Variants in MMP26 observed in about 807,000 individuals in gnomAD.
MMP26 encodes matrix metallopeptidase 26.
Under a neutral mutation model 31.0 loss-of-function variants are expected in MMP26, and 33 were observed. That is an observed-to-expected ratio of 1.06 (90% CI 0.81 to 1.42). The LOEUF is 1.42. Ranked by LOEUF, MMP26 falls within the 40% of genes most tolerant of loss-of-function variation. The pLI is 0.00. For synonymous variants in MMP26, 122 were observed against 114.9 expected, an observed-to-expected ratio of 1.06 and a Z score of -0.40; for missense variants, 347 against 316.1, an observed-to-expected ratio of 1.10 and a Z score of -0.74.
intron 2 of MMP26, among the ~76,000 whole-genome samples, chr11:4,792,634 C>T (rs999131510): frequency 2.0e-5 from 3 of 152,080 alleles, no homozygotes; most frequent in African/African-American, 7.2e-5. Context: ...GTACTTGGGT[C>T]ATTAGAAAAC....
At chr11:4,883,022 G>A in intron 2 of MMP26, 1 of 642,712 alleles carries the variant, frequency 1.6e-6, no homozygotes, top group Non-Finnish European at 2.7e-6. Context: ...TTTCCCCTGA[G>A]CTTATCAAAG....
chr11:4,943,960 T>C (rs1224604670), intron 2 of MMP26: 3 of 411,294 alleles, frequency 7.3e-6, no homozygotes, highest in South Asian at 3.6e-5. Context: ...ACCTAATTAC[T>C]CCTCATCTTT....
chr11:4,910,587 A>AACTT (rs1163380404), intron 2 of MMP26, among the ~76,000 whole-genome samples: 2 of 152,032 alleles, frequency 1.3e-5, no homozygotes, highest in Non-Finnish European at 2.9e-5. Context: ...AAGTACAACA[A>AACTT]ACTTATACCT....
chr11:4,974,316 T>G (rs1846706941), intron 2 of MMP26, among the ~76,000 whole-genome samples: 2 of 151,964 alleles, frequency 1.3e-5, no homozygotes, highest in South Asian at 2.1e-4. Context: ...GGTCTAAAAT[T>G]TTGTTAAAAA....
At chr11:4,752,284 C>A (rs1848455741) in intron 1 of MMP26, 1 of 152,262 alleles carries the variant, frequency 6.6e-6, no homozygotes, top group African/African-American at 2.4e-5. Context: ...TTCCTCTCCT[C>A]TGGGGATGCA....
chr11:4,863,550 A>C (rs2133517161), intron 2 of MMP26: 1 of 152,306 alleles, frequency 6.6e-6, no homozygotes, highest in African/African-American at 2.4e-5. Flanking sequence ...AAATGCCCTA[A>C]GTTATCTTAC....
chr11:4,804,585 C>T (rs997020446), intron 2 of MMP26: 11 of 754,964 alleles, frequency 1.5e-5, no homozygotes, highest in Middle Eastern at 2.3e-4. Context: ...TGTTGTTTTT[C>T]GTACTTATGT....
intron 2 of MMP26, among the ~76,000 whole-genome samples, chr11:4,949,962 T>C (rs1846356206): frequency 8.1e-6 from 1 of 123,634 alleles, no homozygotes; most frequent in South Asian, 2.4e-4. Flanking sequence ...AAATTTTACA[T>C]TTCAATCTTT....
chr11:4,946,891 C>A (rs186015548), intron 2 of MMP26: 489 of 1,606,460 alleles, frequency 3.0e-4, no homozygotes, highest in Admixed American at 1.1e-3. Context: ...CCAAGTCTGA[C>A]ATAGCCAACA....
chr11:4,815,560 A>G (rs1251690715), intron 2 of MMP26, among the ~76,000 whole-genome samples: 6 of 151,006 alleles, frequency 4.0e-5, no homozygotes, highest in Non-Finnish European at 7.4e-5. Context: ...CAGCACAGCA[A>G]TGAAGTATAA....
intron 1 of MMP26, among the ~76,000 whole-genome samples, chr11:4,729,450 CCAGA>C (rs1848144144): frequency 6.6e-6 from 1 of 151,962 alleles, no homozygotes; most frequent in Admixed American, 6.6e-5. Flanking sequence ...AGAAGCTGCC[CCAGA>C]CAGAGAGGGG....
At chr11:4,936,051 G>T (rs971160608) in intron 2 of MMP26, among the ~76,000 whole-genome samples, 3 of 142,666 alleles carry the variant, frequency 2.1e-5, no homozygotes, top group Non-Finnish European at 4.6e-5. Flanking sequence ...TTTTGGTTGT[G>T]TCTCTGCCTG....
intron 1 of MMP26, among the ~76,000 whole-genome samples, chr11:4,713,757 G>T (rs948399733): frequency 1.3e-5 from 2 of 152,152 alleles, no homozygotes; most frequent in Non-Finnish European, 2.9e-5. Flanking sequence ...AAGTTTATCA[G>T]TTGGGTGTGG....
At chr11:4,797,157 C>T (rs754702064) in intron 2 of MMP26, among the ~76,000 whole-genome samples, 1 of 151,998 alleles carries the variant, frequency 6.6e-6, no homozygotes, top group African/African-American at 2.4e-5. Context: ...GGTGGCAGCT[C>T]TCAAAAAACT....
intron 2 of MMP26, among the ~76,000 whole-genome samples, chr11:4,839,399 G>A (rs942476648): frequency 2.6e-5 from 4 of 151,434 alleles, no homozygotes; most frequent in African/African-American, 9.7e-5. Context: ...CTAACCCCAG[G>A]CTGCATAGCT....
intron 2 of MMP26, among the ~76,000 whole-genome samples, chr11:4,771,003 T>C (rs1346123334): frequency 3.3e-5 from 5 of 152,170 alleles, no homozygotes; most frequent in Non-Finnish European, 5.9e-5. Context: ...GAGAACCTGC[T>C]ACAGTGTGGT....
chr11:4,927,089 T>G (rs574776300), intron 2 of MMP26, among the ~76,000 whole-genome samples: 12 of 152,260 alleles, frequency 7.9e-5, no homozygotes, highest in African/African-American at 2.6e-4. Context: ...AATAAATGAA[T>G]GTCATCCTAG....
At chr11:4,794,278 C>T (rs973790229) in intron 2 of MMP26, 4 of 152,124 alleles carry the variant, frequency 2.6e-5, no homozygotes, top group Admixed American at 6.6e-5. Flanking sequence ...GAAACACACT[C>T]ACCTGTCCAA....
intron 2 of MMP26, among the ~76,000 whole-genome samples, chr11:4,777,640 G>C (rs1564907367): frequency 6.6e-6 from 1 of 151,998 alleles, no homozygotes; most frequent in Non-Finnish European, 1.5e-5. Context: ...CTCCTCAAAG[G>C]TGATCACTCT....
Sources: allele counts gnomAD v4.1 joint callset (sites outside exome capture counted in the v4.1 genomes callset), GRCh38; gene constraint gnomAD v4.1.1; transcripts MANE v1.5; gene names NCBI Gene and HGNC (gene_info 2026-07-23, HGNC 2026-07-21).